Variants in MAST2 observed in about 807,000 individuals in gnomAD.
The protein encoded by MAST2 is microtubule-associated serine/threonine-protein kinase 2.
MAST2 carries 70 observed loss-of-function variants against 147.4 expected under a neutral mutation model. That is an observed-to-expected ratio of 0.47 (90% CI 0.39 to 0.58). The LOEUF (loss-of-function observed/expected upper bound fraction) is 0.58. MAST2 is among the 20% of genes least tolerant of loss of function. The pLI is 0.00. For missense variants in MAST2, 2,080 were observed against 2,302.3 expected (o/e 0.90, Z 1.98); for synonymous variants, 869 against 896.8 (o/e 0.97, Z 0.55).
In MAST2 at chr1:46,034,212, T is replaced by C; in HGVS notation, c.3814T>C (p.Ser1272Pro). The C allele has an allele frequency of 6.2e-7, 1 of 1,613,794 alleles. No individual in the cohort carries two copies. The highest frequency in any genetic ancestry group is 8.5e-7 in the Non-Finnish European group (1 of 1,179,920). The change falls in exon 28 of 29, where the codon TCC becomes CCC. Residue 1272 changes from serine to proline, a missense_variant. Around this residue, in one of 4 missense-constraint regions of MAST2, gnomAD observed 1,278 missense variants for 1,304.2 expected, o/e 0.98. Coordinates refer to ENST00000361297, the MANE Select transcript of MAST2 (RefSeq NM_015112.3). Reference sequence around the variant, plus strand: ...CTCTCCCACACACAGCCACAGCCTTTCCCCCCGATCTCCCACTCAAGGCTA... The same window carrying C: ...CTCTCCCACACACAGCCACAGCCTTCCCCCCCGATCTCCCACTCAAGGCTA... ...PGSPTHSHSL[S>P]PRSPTQGYRV...
At chr1:45,895,304 GTT>G (rs890628280) in intron 4 of MAST2, among the ~76,000 whole-genome samples, 1 of 148,780 alleles carries the variant, frequency 6.7e-6, no homozygotes, top group African/African-American at 2.5e-5. Context: ...TCATGTATAA[GTT>G]TTTTTTTTAT....
At chr1:45,987,762 GTTTTTTTTTTTTTGATTTTTTTTTTT>G (rs1281816279) in intron 5 of MAST2, among the ~76,000 whole-genome samples, 1 of 62,734 alleles carries the variant, frequency 1.6e-5, no homozygotes, top group Admixed American at 2.3e-4. Context: ...AGCATTTCTT[GTTTTTTTTTTTTTGATTTTTTTTTTT>G]TTTTTTTTTT....
At chr1:46,018,224 C>G (rs1646039514) in intron 10 of MAST2, among the ~76,000 whole-genome samples, 1 of 152,162 alleles carries the variant, frequency 6.6e-6, no homozygotes, top group Non-Finnish European at 1.5e-5. Flanking sequence ...TCCCCTTTCT[C>G]TTTCCTCCAC....
rs1395255041 is a variant in MAST2 at position 46,035,922 on chromosome 1, T to G, written c.5253T>G (p.Gly1751=). The G allele has an allele frequency of 1.9e-6, 3 of 1,613,832 alleles. No individual in the cohort carries two copies. The South Asian group carries it at 3.3e-5, about 18-fold the overall frequency. ...TCACCCAAGTGCCTGATGCCTCAGG[T>G]GACAGAAGGCAGGACGTTCCATGCC... ...LSITQVPDAS[G]DRRQDVPCRG... The change falls in exon 29 of 29, where the codon GGT becomes GGG. Residue 1751 remains glycine, a synonymous_variant. Transcript: ENST00000361297. The surrounding 1 kb of genome is among the most constrained non-coding windows in gnomAD (Gnocchi z 5.5).
At chr1:45,920,858 C>G (rs533997519) in intron 4 of MAST2, among the ~76,000 whole-genome samples, 1 of 150,268 alleles carries the variant, frequency 6.7e-6, no homozygotes, top group Non-Finnish European at 1.5e-5. Flanking sequence ...ATTTTTTTTT[C>G]GATGAGGTGG....
At chr1:45,998,993 A>G (rs1004019370) in intron 6 of MAST2, among the ~76,000 whole-genome samples, 71 of 152,054 alleles carry the variant, frequency 4.7e-4, no homozygotes, top group Non-Finnish European at 3.4e-4. Flanking sequence ...CGGCCTCCCA[A>G]AGTGCTGGGA....
At chr1:46,014,890 T>C (rs1356050831) in intron 10 of MAST2, among the ~76,000 whole-genome samples, 1 of 152,076 alleles carries the variant, frequency 6.6e-6, no homozygotes, top group African/African-American at 2.4e-5. Context: ...CAGCACCGCA[T>C]CACACCTATT....
At chr1:45,900,022 T>C (rs370973624) in intron 4 of MAST2, among the ~76,000 whole-genome samples, 1 of 151,174 alleles carries the variant, frequency 6.6e-6, no homozygotes, top group Non-Finnish European at 1.5e-5. Context: ...ATAAAAAAAT[T>C]AGCCAGGCAT....
chr1:46,007,542 C>T (rs1220879909), intron 8 of MAST2, among the ~76,000 whole-genome samples: 1 of 152,124 alleles, frequency 6.6e-6, no homozygotes, highest in Non-Finnish European at 1.5e-5. Flanking sequence ...GTACAGCAGG[C>T]AAAACATGGC....
intron 5 of MAST2, among the ~76,000 whole-genome samples, chr1:45,964,750 C>G (rs991006390): frequency 9.9e-5 from 15 of 151,936 alleles, no homozygotes; most frequent in Non-Finnish European, 5.9e-5. Flanking sequence ...TTATTTCTTG[C>G]CTTTTGCTAG....
chr1:45,963,511 T>C (rs926515218), intron 5 of MAST2, among the ~76,000 whole-genome samples: 11 of 152,216 alleles, frequency 7.2e-5, no homozygotes, highest in African/African-American at 2.4e-4. Flanking sequence ...TGGTATTATA[T>C]TCTCTTTGAA....
At chr1:45,845,379 G>A (rs1645398695) in intron 3 of MAST2, among the ~76,000 whole-genome samples, 1 of 151,688 alleles carries the variant, frequency 6.6e-6, no homozygotes, top group East Asian at 1.9e-4. Context: ...TTAATTTTCA[G>A]AGGTTAAAAA....
Position 46,032,409 on chromosome 1 carries a change from GTC to G in MAST2, c.3414+7_3414+8del. 6.2e-7 allele frequency: 1 copy of G among 1,613,724 alleles called. No homozygotes were observed. The highest frequency in any genetic ancestry group is 8.5e-7 in the Non-Finnish European group (1 of 1,179,686). On this transcript the variant is annotated splice_donor_region_variant and intron_variant, in intron 25 of 28. Transcript: ENST00000361297. ...ACCGTGCACCATATGGTGTGGGTAT[GTC>G]TGACCATCCAGACCTGCTGTCTCCC...
At chr1:45,823,684 G>A (rs941479901) in intron 1 of MAST2, among the ~76,000 whole-genome samples, 5 of 152,106 alleles carry the variant, frequency 3.3e-5, no homozygotes, top group African/African-American at 1.2e-4. Context: ...TCAGTTTGAT[G>A]TGTTACTTAT....
intron 5 of MAST2, among the ~76,000 whole-genome samples, chr1:45,971,459 G>C (rs1643909918): frequency 6.6e-6 from 1 of 152,200 alleles, no homozygotes; most frequent in African/African-American, 2.4e-5. Context: ...ATCTTTGTAG[G>C]TAAGGCTGTG....
intron 5 of MAST2, 72 bp from the exon 6 acceptor site, chr1:45,997,652 C>G: frequency 9.2e-7 from 1 of 1,087,182 alleles, no homozygotes; most frequent in Non-Finnish European, 1.4e-6. Flanking sequence ...GGGAATATTT[C>G]TTGCCCGAAA....
intron 6 of MAST2, among the ~76,000 whole-genome samples, chr1:46,000,349 T>G (rs554761432): frequency 6.6e-6 from 1 of 152,180 alleles, no homozygotes; most frequent in South Asian, 2.1e-4. Flanking sequence ...AGGAAGAGAC[T>G]AAAGCCAGAG....
chr1:45,930,322 A>G (rs572418362), intron 4 of MAST2, among the ~76,000 whole-genome samples: 11 of 150,912 alleles, frequency 7.3e-5, no homozygotes, highest in Non-Finnish European at 8.9e-5. Flanking sequence ...CTCATGATCT[A>G]CCCGCCTTGG....
intron 4 of MAST2, among the ~76,000 whole-genome samples, chr1:45,894,541 C>T (rs1041799843): frequency 4.6e-5 from 7 of 151,978 alleles, no homozygotes; most frequent in Non-Finnish European, 8.8e-5. Context: ...GCTAACTAGG[C>T]GTATTACATA....
Sources: gnomAD v4.1 joint callset for allele counts (sites outside exome capture counted in the v4.1 genomes callset) on GRCh38, gnomAD v4.1.1 for gene constraint, gnomAD v4.1.1 regional missense constraint, Gnocchi (gnomAD v3.1) non-coding constraint, MANE v1.5 for transcripts, NCBI Gene and HGNC (gene_info 2026-07-23, HGNC 2026-07-21) for gene names.